Variants in MAP3K20 observed in about 807,000 individuals in gnomAD.
MAP3K20 encodes mitogen-activated protein kinase kinase kinase 20, also known as HCCS-4.
In MAP3K20, 40 loss-of-function variants were observed where a neutral mutation model predicts 85.7. The ratio of observed to expected loss-of-function variants is 0.47; its 90% CI spans 0.36 to 0.61. The LOEUF (loss-of-function observed/expected upper bound fraction) is 0.61. Among genes scored for constraint, MAP3K20 ranks in the 20% least tolerant of loss-of-function variants. The probability of loss-of-function intolerance (pLI) is 0.00; values close to 1 mark genes in which losing one functional copy is unlikely to be tolerated. For missense variants in MAP3K20, 817 were observed against 961.7 expected (o/e 0.85, Z 1.99); for synonymous variants, 325 against 327.7 (o/e 0.99, Z 0.09).
At chr2:173,202,901 T>C (rs1683530101) in intron 8 of MAP3K20, among the ~76,000 whole-genome samples, 1 of 152,214 alleles carries the variant, frequency 6.6e-6, no homozygotes, top group African/African-American at 2.4e-5. Context: ...GTTCAGTGTA[T>C]CTTAAAACTG....
At position 173,169,970 on chromosome 2, in the gene MAP3K20, A is replaced by G. The variant is rs141271712; in HGVS notation, c.247+78A>G. 26 of 1,329,792 alleles carry G rather than the reference A, an allele frequency of 2.0e-5. No homozygotes were observed. The East Asian group carries it at 5.3e-4, about 27-fold the overall frequency. The allele number at this position is 1,329,792 out of a possible 1,614,324, so 82.4% of individuals were successfully genotyped here. A position where few individuals can be genotyped will look rare whatever the true frequency, so the allele number is the denominator to read the frequency against. ...TCCTTAATATGCTAAAATGCTTAAT[A>G]TTAGGCTCAGTTATGAATTGTGTGT... On this transcript the variant is annotated intron_variant, in intron 3 of 19. Coordinates refer to ENST00000375213, the MANE Select transcript of MAP3K20 (RefSeq NM_016653.3).
chr2:173,084,752 A>G (rs1687102188), intron 1 of MAP3K20, among the ~76,000 whole-genome samples: 1 of 152,252 alleles, frequency 6.6e-6, no homozygotes, highest in Admixed American at 6.5e-5. Flanking sequence ...TATGATATCA[A>G]GGGTTATTAA....
intron 2 of MAP3K20, among the ~76,000 whole-genome samples, chr2:173,128,836 A>T (rs1688522261): frequency 1.3e-5 from 2 of 152,058 alleles, no homozygotes; most frequent in Non-Finnish European, 2.9e-5. Context: ...GTAATTTTAA[A>T]ATTTAAAAAT....
intron 2 of MAP3K20, among the ~76,000 whole-genome samples, chr2:173,111,309 G>A (rs1211965673): frequency 6.6e-6 from 1 of 152,104 alleles, no homozygotes; most frequent in Admixed American, 6.5e-5. Flanking sequence ...GTTTGTTGTA[G>A]ATTCTGGATA....
chr2:173,211,757 A>AG (rs1683902010), intron 10 of MAP3K20: 1 of 152,250 alleles, frequency 6.6e-6, no homozygotes, highest in Non-Finnish European at 1.5e-5. Flanking sequence ...TACTAAAAAT[A>AG]CAAAAAATTA....
chr2:173,264,257 A>AT (rs1685361056), intron 19 of MAP3K20, among the ~76,000 whole-genome samples: 2 of 152,212 alleles, frequency 1.3e-5, no homozygotes. Context: ...CTGTAATAAA[A>AT]TTTATTATCT....
chr2:173,134,422 A>AT (rs1254043752), intron 2 of MAP3K20, among the ~76,000 whole-genome samples: 34 of 6,158 alleles, frequency 5.5e-3, no homozygotes, highest in African/African-American at 0.017. Context: ...ATATATATAT[A>AT]TATATATTTT....
intron 4 of MAP3K20, among the ~76,000 whole-genome samples, chr2:173,185,524 A>C (rs1191844736): frequency 1.3e-5 from 2 of 152,284 alleles, no homozygotes; most frequent in African/African-American, 2.4e-5. Context: ...GAGATTAAGT[A>C]GGAAGCCTTG....
intron 16 of MAP3K20, among the ~76,000 whole-genome samples, chr2:173,243,713 G>A (rs979733091): frequency 6.6e-5 from 10 of 152,162 alleles, no homozygotes; most frequent in Non-Finnish European, 1.3e-4. Flanking sequence ...CGCCTCCCGG[G>A]TTCACGCCAT....
intron 16 of MAP3K20, among the ~76,000 whole-genome samples, chr2:173,248,529 CTT>C (rs1684972769): frequency 1.3e-5 from 2 of 152,198 alleles, no homozygotes; most frequent in Non-Finnish European, 2.9e-5. Flanking sequence ...TGGCAATGTA[CTT>C]TGTCAAATGG....
chr2:173,136,256 T>C (rs1355853334), intron 2 of MAP3K20, among the ~76,000 whole-genome samples: 1 of 152,248 alleles, frequency 6.6e-6, no homozygotes. Context: ...AATGTGATTT[T>C]TGGGGTGTGG....
chr2:173,165,288 G>A (rs1389837251), intron 2 of MAP3K20, among the ~76,000 whole-genome samples: 8 of 152,120 alleles, frequency 5.3e-5, no homozygotes, highest in South Asian at 2.1e-4. Flanking sequence ...GTAGTGGTGC[G>A]TGCCTGTAAT....
chr2:173,110,677 G>A (rs1398985897), intron 2 of MAP3K20, among the ~76,000 whole-genome samples: 1 of 151,984 alleles, frequency 6.6e-6, no homozygotes. Context: ...ATGATGTTTG[G>A]TTTTCCATTC....
intron 16 of MAP3K20, among the ~76,000 whole-genome samples, chr2:173,248,504 T>A (rs900410127): frequency 4.6e-5 from 7 of 152,362 alleles, no homozygotes; most frequent in Admixed American, 4.6e-4. Flanking sequence ...ACTGCTGATT[T>A]CTAATTACAG....
At chr2:173,118,384 T>A (rs1448613539) in intron 2 of MAP3K20, among the ~76,000 whole-genome samples, 4 of 152,232 alleles carry the variant, frequency 2.6e-5, no homozygotes, top group Admixed American at 2.6e-4. Flanking sequence ...TCTAGATTTT[T>A]GTCTTTGTTA....
chr2:173,207,361 G>A (rs377739012), intron 9 of MAP3K20, among the ~76,000 whole-genome samples: 3 of 152,096 alleles, frequency 2.0e-5, no homozygotes, highest in South Asian at 2.1e-4. Context: ...GCGTGGTGGC[G>A]CGTTCCTGTA....
chr2:173,214,397 G>A (rs1053861783), intron 10 of MAP3K20: 2 of 152,210 alleles, frequency 1.3e-5, no homozygotes, highest in Non-Finnish European at 2.9e-5. Context: ...AATGAGCCAT[G>A]CAGTGTTGTG....
intron 2 of MAP3K20, among the ~76,000 whole-genome samples, chr2:173,144,749 G>A (rs1277488045): frequency 6.6e-6 from 1 of 152,046 alleles, no homozygotes; most frequent in Non-Finnish European, 1.5e-5. Context: ...CATAAGTCCA[G>A]TTGTAAGACT....
chr2:173,236,427 T>A (rs529544366), intron 14 of MAP3K20, among the ~76,000 whole-genome samples: 1 of 152,200 alleles, frequency 6.6e-6, no homozygotes, highest in East Asian at 1.9e-4. Context: ...CAGTGTAATG[T>A]TCTCTTTTTA....
Sources: allele counts gnomAD v4.1 joint callset (sites outside exome capture counted in the v4.1 genomes callset), GRCh38; gene constraint gnomAD v4.1.1; transcripts MANE v1.5; gene names NCBI Gene and HGNC (gene_info 2026-07-23, HGNC 2026-07-21).